Variants in PDE6H observed in about 807,000 individuals in gnomAD.
The protein encoded by PDE6H is phosphodiesterase 6H.
Under a neutral mutation model 9.2 loss-of-function variants are expected in PDE6H, and 11 were observed. That is an observed-to-expected ratio of 1.19 (90% CI 0.75 to 1.97). The LOEUF is 1.97. PDE6H is among the 30% of genes most tolerant of loss of function. The pLI, the probability that PDE6H is intolerant of heterozygous loss-of-function variation, is 0.00. For missense variants in PDE6H, 98 were observed against 101.5 expected, an observed-to-expected ratio of 0.97 and a Z score of 0.15; for synonymous variants, 36 against 33.6, an observed-to-expected ratio of 1.07 and a Z score of -0.25.
At position 14,978,328 on chromosome 12, in the gene PDE6H, T is replaced by A. The variant is rs532261182; in HGVS notation, c.134+182T>A. ...TGTCTTTATCCCTGGAATTCTTTCC[T>A]TCTCAACTTCCAGGTCTGTGGCCGA... On this transcript the variant is annotated intron_variant, in intron 2 of 3. Transcript: ENST00000266395. Among the ~76,000 whole-genome samples, 3 of 152,338 alleles carry A rather than the reference T, an allele frequency of 2.0e-5. No homozygotes were observed. In the East Asian group the frequency reaches 5.8e-4, roughly 29 times the overall value.
Position 14,981,643 on chromosome 12 carries a change from T to A in PDE6H, c.*167T>A, listed in dbSNP as rs1864686752. 1 of 679,574 alleles carries A rather than the reference T, an allele frequency of 1.5e-6. No individual in the cohort carries two copies. Among genetic ancestry groups the A allele is most frequent in the Non-Finnish European group, 2.7e-6 (1 of 372,244 alleles). 42.1% of individuals were successfully genotyped at this position (679,574 alleles called of 1,614,324 possible). A position where few individuals can be genotyped will look rare whatever the true frequency, so the allele number is the denominator to read the frequency against. On this transcript the variant is annotated 3_prime_UTR_variant, in exon 4 of 4. Coordinates refer to ENST00000266395, the MANE Select transcript of PDE6H (RefSeq NM_006205.3). ...TAAGAGTTCTCTTACTGTCAGAATCTCTCTTGCAGTACAGCTCAAAATAGT... is the reference window on the plus strand; with the variant it reads ...TAAGAGTTCTCTTACTGTCAGAATCACTCTTGCAGTACAGCTCAAAATAGT...
chr12:14,975,970 G>A lies in PDE6H; in HGVS notation c.-41-2002G>A, dbSNP rs569754099. ...CAAGTAGCTGGGACTACAGGTGCCC[G>A]CCACCACACCTGGCTAATCTTTTGT... On this transcript the variant is annotated intron_variant, in intron 1 of 3. Coordinates refer to ENST00000266395, the MANE Select transcript of PDE6H (RefSeq NM_006205.3). Among the ~76,000 whole-genome samples, 23 of 151,764 alleles carry A rather than the reference G, an allele frequency of 1.5e-4. No individual in the cohort carries two copies. In the East Asian group the frequency reaches 2.9e-3, roughly 19 times the overall value.
At chr12:14,981,065 A>G (rs1864675201) in intron 3 of PDE6H, among the ~76,000 whole-genome samples, 1 of 152,222 alleles carries the variant, frequency 6.6e-6, no homozygotes, top group African/African-American at 2.4e-5. Context: ...CCTTGGCCTG[A>G]CTAGAATTCC....
intron 1 of PDE6H, among the ~76,000 whole-genome samples, chr12:14,975,288 A>G (rs901801231): frequency 6.6e-6 from 1 of 152,106 alleles, no homozygotes; most frequent in Non-Finnish European, 1.5e-5. Flanking sequence ...AAGTATAAAT[A>G]TGTACCATGA....
chr12:14,977,823 A>G (rs1864618453), intron 1 of PDE6H, 149 bp from the exon 2 acceptor site: 7 of 590,864 alleles, frequency 1.2e-5, no homozygotes, highest in Non-Finnish European at 1.5e-5. Context: ...TCCCTTTTAA[A>G]GATGATAACT....
chr12:14,980,702 C>T (rs1236405240), intron 3 of PDE6H, among the ~76,000 whole-genome samples: 1 of 152,212 alleles, frequency 6.6e-6, no homozygotes, highest in East Asian at 1.9e-4. Flanking sequence ...ATGCTTGACT[C>T]TGACAGTGTA....
rs77796036 is a variant in PDE6H at position 14,981,777 on chromosome 12, A to G, written c.*301A>G. ...TCCTTTAAATCTATTTTTGCTAGGC[A>G]TTCATTATGATTAATAGTAGACTTT... On this transcript the variant is annotated 3_prime_UTR_variant, in exon 4 of 4. Coordinates refer to ENST00000266395, the MANE Select transcript of PDE6H (RefSeq NM_006205.3). 5.7e-3 allele frequency: 2,682 copies of G among 468,046 alleles called. 77 individuals carry two copies. Among genetic ancestry groups the G allele is most frequent in the African/African-American group, 0.047 (2,386 of 50,974 alleles). The allele number at this position is 468,046 out of a possible 1,614,324, so 29.0% of individuals were successfully genotyped here. A position where few individuals can be genotyped will look rare whatever the true frequency, so the allele number is the denominator to read the frequency against.
rs1275724713 is a variant in PDE6H, at chr12:14,981,334, G to A, written c.176-66G>A. 5 of 965,668 alleles carry A rather than the reference G, an allele frequency of 5.2e-6. No homozygotes were observed. The Admixed American group carries it at 6.8e-5, about 13-fold the overall frequency. 59.8% of individuals were successfully genotyped at this position (965,668 alleles called of 1,614,324 possible). ...AGTGAAGTGTCTCTGCCTGAAGGGT[G>A]TCTTTCTGTGAAGAAGCTCTCTTGG... is the stretch of plus-strand genomic sequence containing the variant. On this transcript the variant is annotated intron_variant, in intron 3 of 3. Coordinates refer to ENST00000266395, the MANE Select transcript of PDE6H (RefSeq NM_006205.3).
intron 1 of PDE6H, among the ~76,000 whole-genome samples, chr12:14,974,831 G>A (rs1864568662): frequency 6.6e-6 from 1 of 152,216 alleles, no homozygotes; most frequent in Non-Finnish European, 1.5e-5. Context: ...GGAAGGAGGT[G>A]CAGAGTCCAG....
chr12:14,974,166 G>C (rs527938585), intron 1 of PDE6H, among the ~76,000 whole-genome samples: 17 of 152,312 alleles, frequency 1.1e-4, no homozygotes, highest in African/African-American at 4.1e-4. Context: ...GAAAAAATAT[G>C]AAACTTCTTT....
intron 1 of PDE6H, among the ~76,000 whole-genome samples, chr12:14,974,544 G>A (rs1428694353): frequency 6.6e-6 from 1 of 152,200 alleles, no homozygotes; most frequent in Non-Finnish European, 1.5e-5. Context: ...AAGCCTAGAG[G>A]TGTAACTTCA....
chr12:14,976,021 C>T (rs1241580881), intron 1 of PDE6H, among the ~76,000 whole-genome samples: 3 of 151,996 alleles, frequency 2.0e-5, no homozygotes, highest in Non-Finnish European at 2.9e-5. Context: ...GGGGTTTCAC[C>T]GTGTTAGCCA....
intron 2 of PDE6H, among the ~76,000 whole-genome samples, chr12:14,978,439 A>C (rs1223451341): frequency 6.6e-6 from 1 of 152,250 alleles, no homozygotes; most frequent in Admixed American, 6.5e-5. Context: ...TTACTGAGAC[A>C]ACCTCTACGT....
intron 1 of PDE6H, 144 bp from the exon 2 acceptor site, chr12:14,977,828 A>G: frequency 1.7e-6 from 1 of 601,496 alleles, no homozygotes; most frequent in Non-Finnish European, 2.9e-6. Context: ...TTTAAAGATG[A>G]TAACTTCTCC....
chr12:14,980,785 A>T (rs1864670132), intron 3 of PDE6H, among the ~76,000 whole-genome samples: 1 of 152,180 alleles, frequency 6.6e-6, no homozygotes, highest in African/African-American at 2.4e-5. Context: ...TCTCAGCTCT[A>T]CAACTATGTG....
chr12:14,975,812 GTTTTTTTTTTTTGTT>G (rs575997175), intron 1 of PDE6H, among the ~76,000 whole-genome samples: 1 of 120,148 alleles, frequency 8.3e-6, no homozygotes, highest in Non-Finnish European at 1.6e-5. Context: ...AATTTCTTTT[GTTTTTTTTTTTTGTT>G]TTTTTTTTTT....
intron 1 of PDE6H, among the ~76,000 whole-genome samples, chr12:14,977,054 TAGA>T (rs1350406638): frequency 1.3e-5 from 2 of 152,262 alleles, no homozygotes; most frequent in African/African-American, 2.4e-5. Flanking sequence ...GTGGTGTGGA[TAGA>T]AGAAGGCATT....
At chr12:14,977,790 T>C (rs1864617875) in intron 1 of PDE6H, among the ~76,000 whole-genome samples, 182 bp from the exon 2 acceptor site, 1 of 152,226 alleles carries the variant, frequency 6.6e-6, no homozygotes, top group Non-Finnish European at 1.5e-5. Context: ...CCTGCATTGA[T>C]TTATACTCTG....
chr12:14,976,879 A>C (rs951369448), intron 1 of PDE6H, among the ~76,000 whole-genome samples: 3 of 152,000 alleles, frequency 2.0e-5, no homozygotes, highest in African/African-American at 7.3e-5. Flanking sequence ...AGTTTTGTTA[A>C]CTCTTACGAA....
Sources: allele counts gnomAD v4.1 joint callset (sites outside exome capture counted in the v4.1 genomes callset), GRCh38; gene constraint gnomAD v4.1.1; transcripts MANE v1.5; gene names NCBI Gene and HGNC (gene_info 2026-07-23, HGNC 2026-07-21).